The following BCAR1 variants were observed in gnomAD, a reference collection of about 807,000 sequenced individuals.
BCAR1 encodes the protein breast cancer anti-estrogen resistance protein 1.
In BCAR1, 30 loss-of-function variants were observed where a neutral mutation model predicts 67.6. That is an observed-to-expected ratio of 0.44 (90% confidence interval 0.33 to 0.60). The LOEUF (loss-of-function observed/expected upper bound fraction) is 0.60. BCAR1 is among the 20% of genes least tolerant of loss of function. BCAR1 has a pLI of 0.02. For synonymous variants in BCAR1, 626 were observed against 556.7 expected (o/e 1.12, Z -1.75); for missense variants, 1,313 against 1,222.3 (o/e 1.07, Z -1.11).
intron 6 of BCAR1, among the ~76,000 whole-genome samples, chr16:75,231,894 T>C (rs1475536545): frequency 6.6e-6 from 1 of 152,212 alleles, no homozygotes. Flanking sequence ...AGGTTTTTTG[T>C]TTTTGAGACG....
intron 1 of BCAR1, among the ~76,000 whole-genome samples, chr16:75,258,589 T>C (rs1749269450): frequency 6.6e-6 from 1 of 151,884 alleles, no homozygotes; most frequent in Non-Finnish European, 1.5e-5. Context: ...TGGGGGAGGC[T>C]GTTCTACACA....
chr16:75,247,692 G>A (rs566086231), intron 1 of BCAR1: 89 of 252,472 alleles, frequency 3.5e-4, no homozygotes, highest in Admixed American at 9.7e-4. Flanking sequence ...CAACCCAGGA[G>A]TTCTCAGGAG....
chr16:75,241,087 T>C (rs1267053377), intron 2 of BCAR1, among the ~76,000 whole-genome samples: 1 of 152,214 alleles, frequency 6.6e-6, no homozygotes, highest in Non-Finnish European at 1.5e-5. Flanking sequence ...CGCACATACA[T>C]TTGTACGTTT....
chr16:75,262,653 C>G (rs1285488998), intron 1 of BCAR1, among the ~76,000 whole-genome samples: 1 of 152,140 alleles, frequency 6.6e-6, no homozygotes, highest in Admixed American at 6.5e-5. Context: ...CAGGGCAGGC[C>G]TCATGGCTCC....
chr16:75,265,718 AC>A, intron 1 of BCAR1: 2 of 1,155,536 alleles, frequency 1.7e-6, no homozygotes, highest in East Asian at 3.7e-5. Flanking sequence ...CAGTGAGGCG[AC>A]CCCCAGTCCG....
At chr16:75,236,462 T>G (rs1245864291) in intron 4 of BCAR1, 5 of 331,008 alleles carry the variant, frequency 1.5e-5, no homozygotes, top group Admixed American at 1.4e-4. Flanking sequence ...CCACCACGTG[T>G]GAACTTTCTA....
intron 1 of BCAR1, among the ~76,000 whole-genome samples, chr16:75,267,078 G>A (rs958535839): frequency 6.6e-6 from 1 of 152,218 alleles, no homozygotes; most frequent in Non-Finnish European, 1.5e-5. Flanking sequence ...CCAGTAGCAG[G>A]TCACCGACTG....
intron 1 of BCAR1, chr16:75,245,964 C>CTTTTTTTTTTTTTTTTTTTTTTTTTTTTT (rs60320561): frequency 2.0e-5 from 1 of 49,634 alleles, no homozygotes; most frequent in Non-Finnish European, 3.6e-5. Flanking sequence ...TAGGATTGTT[C>CTTTTTTTTTTTTTTTTTTTTTTTTTTTTT]TTTTTTTTTT....
intron 2 of BCAR1, chr16:75,238,305 C>A: frequency 8.7e-7 from 1 of 1,145,480 alleles, no homozygotes; most frequent in South Asian, 1.7e-5. Context: ...ACTGCGCCCA[C>A]ACGCCTCCAC....
chr16:75,246,155 G>A (rs1303793553), intron 1 of BCAR1: 3 of 151,882 alleles, frequency 2.0e-5, no homozygotes, highest in Admixed American at 2.0e-4. Context: ...ATTTTGTGTA[G>A]AGATGGGTTC....
chr16:75,244,174 C>T (rs948383740), intron 1 of BCAR1, among the ~76,000 whole-genome samples: 2 of 152,220 alleles, frequency 1.3e-5, no homozygotes, highest in Admixed American at 1.3e-4. Flanking sequence ...TCTGGGCTGC[C>T]CTGCAAGGTC....
chr16:75,248,296 C>G, intron 1 of BCAR1: 1 of 1,408,844 alleles, frequency 7.1e-7, no homozygotes, highest in Non-Finnish European at 9.2e-7. Context: ...CAGCACAGAG[C>G]CTCGCACATA....
intron 1 of BCAR1, 57 bp downstream of exon 1, chr16:75,251,414 C>A (rs962571754): frequency 5.4e-6 from 8 of 1,479,670 alleles, no homozygotes; most frequent in Non-Finnish European, 6.3e-6. Flanking sequence ...TTAACCCCTT[C>A]CAGCCCGCTG....
chr16:75,265,996 C>T, intron 1 of BCAR1: 2 of 1,041,736 alleles, frequency 1.9e-6, no homozygotes, highest in East Asian at 8.4e-5. Flanking sequence ...CCGCTCCAGC[C>T]GCGCCGCGCA....
rs1377594362 is a variant in BCAR1, at chr16:75,229,650, C to T, written c.2474G>A (p.Gly825Asp). ...AGCGGCCTTGGTGGTGGCCACGATG[C>T]CGCGCAGGAGGTCGCACAGCAGGTT... ...YSNLLCDLLR[G>D]IVATTKAAAL... Residue 825 changes from glycine (G) to aspartate (D), a missense_variant, in exon 7 of 7, where the codon GGC becomes GAC. Gly to Asp is a moderately conservative substitution (Grantham distance 94). This residue lies in a region of BCAR1 where 1,272 missense variants were observed against 1,137.5 expected (regional missense o/e 1.12). Coordinates refer to ENST00000162330, the MANE Select transcript of BCAR1 (RefSeq NM_014567.5). 1.9e-6 allele frequency: 3 copies of T among 1,612,620 alleles called. No individual in the cohort carries two copies. The highest frequency in any genetic ancestry group is 2.5e-6 in the Non-Finnish European group (3 of 1,179,880).
At chr16:75,236,424 C>T (rs2077137110) in intron 4 of BCAR1, 1 of 339,846 alleles carries the variant, frequency 2.9e-6, no homozygotes, top group South Asian at 4.6e-5. Flanking sequence ...CACCTCATCA[C>T]CACCATCACT....
intron 6 of BCAR1, among the ~76,000 whole-genome samples, chr16:75,232,685 AC>A (rs1410064705): frequency 6.6e-6 from 1 of 151,924 alleles, no homozygotes; most frequent in Non-Finnish European, 1.5e-5. Context: ...CTCAGCCCCC[AC>A]CCCCTGCCAC....
At chr16:75,267,908 C>G in intron 1 of BCAR1, 1 of 1,599,662 alleles carries the variant, frequency 6.3e-7, no homozygotes. Flanking sequence ...CTAGAGCCCT[C>G]ACTTACTCTG....
intron 2 of BCAR1, among the ~76,000 whole-genome samples, chr16:75,240,374 C>G (rs1296411309): frequency 6.6e-6 from 1 of 152,124 alleles, no homozygotes; most frequent in South Asian, 2.1e-4. Flanking sequence ...GCCGTGCCAC[C>G]GTAATGAAGG....
Sources: gnomAD v4.1 joint callset for allele counts (sites outside exome capture counted in the v4.1 genomes callset) on GRCh38, gnomAD v4.1.1 for gene constraint, gnomAD v4.1.1 regional missense constraint, MANE v1.5 for transcripts, NCBI Gene and HGNC (gene_info 2026-07-23, HGNC 2026-07-21) for gene names.